DGKQ: variants seen among roughly 807,000 people sequenced by gnomAD.
DGKQ encodes the protein diacylglycerol kinase theta, also known as DAG kinase theta.
Under a neutral mutation model 104.2 loss-of-function variants are expected in DGKQ, and 97 were observed. The ratio of observed to expected loss-of-function variants is 0.93; its 90% CI spans 0.79 to 1.10. The LOEUF (loss-of-function observed/expected upper bound fraction) is 1.10, where lower values mean the gene tolerates loss of function less well. Ranked by LOEUF, DGKQ falls within the 50% of genes least tolerant of loss-of-function variation. The probability of loss-of-function intolerance (pLI) is 0.00; values close to 1 mark genes in which losing one functional copy is unlikely to be tolerated. For synonymous variants in DGKQ, 736 were observed against 595.2 expected (o/e 1.24, Z -3.44); for missense variants, 1,465 against 1,352.1 (o/e 1.08, Z -1.31).
In DGKQ at chr4:967,208, C is replaced by T. The variant is rs201658817; in HGVS notation, c.1141G>A (p.Glu381Lys). The T allele has an allele frequency of 2.2e-4, 343 of 1,587,560 alleles. No individual in the cohort carries two copies. The African/African-American group carries it at 3.9e-3, about 18-fold the overall frequency. The change falls in exon 9 of 23, where the codon GAG becomes AAG. Residue 381 changes from glutamate to lysine, a missense_variant. By Grantham distance (56) the Glu-to-Lys change is moderately conservative. Coordinates refer to ENST00000273814, the MANE Select transcript of DGKQ (RefSeq NM_001347.4). ...SEEGRSPGSG[E>K]ATPEAWVIRA... ...ATGACCCAGGCCTCTGGCGTGGCCT[C>T]GCCGGACCCGGGGCTTCTGCCCTCC...
rs1410370074 is a variant in DGKQ at position 960,633 on chromosome 4, C to A, written c.2816G>T (p.Ser939Ile). The change falls in exon 23 of 23, where the codon AGC (serine) becomes ATC (isoleucine). Residue 939 changes from serine to isoleucine, a missense_variant. By Grantham distance (142) the Ser-to-Ile change is moderately radical. Transcript: ENST00000273814. Reference protein sequence around the residue: ...ARADAAPAPESDPR With the variant: ...ARADAAPAPEIDPR ...CCCCAGCCACCCCTACCTAGGATCG[C>A]TCTCAGGGGCAGGCGCAGCATCCGC... The A allele has an allele frequency of 6.2e-7, 1 of 1,611,874 alleles. No individual in the cohort carries two copies. Among genetic ancestry groups the A allele is most frequent in the Non-Finnish European group, 8.5e-7 (1 of 1,179,726 alleles).
intron 18 of DGKQ, 86 bp from the exon 19 acceptor site, chr4:962,168 A>C: frequency 7.9e-7 from 1 of 1,262,896 alleles, no homozygotes; most frequent in Non-Finnish European, 1.1e-6. Context: ...GCAGGCAGAG[A>C]CAAGAGCAAG....
In DGKQ at chr4:960,336, A is replaced by G; in HGVS notation, c.*284T>C. 1 of 517,798 alleles carries G rather than the reference A, an allele frequency of 1.9e-6. No individual in the cohort carries two copies. The allele number at this position is 517,798 out of a possible 1,614,324, so 32.1% of individuals were successfully genotyped here. A position where few individuals can be genotyped will look rare whatever the true frequency, so the allele number is the denominator to read the frequency against. ...GGAGAGGACCAGGCCCCCACAGGGC[A>G]GAGGGCTCACCATCCAGAGCCCTGC... On this transcript the variant is annotated 3_prime_UTR_variant, in exon 23 of 23. Coordinates refer to ENST00000273814, the MANE Select transcript of DGKQ (RefSeq NM_001347.4).
chr4:961,652 CG>C (rs768202217), intron 20 of DGKQ, 35 bp downstream of exon 20: 3 of 1,611,326 alleles, frequency 1.9e-6, no homozygotes, highest in Non-Finnish European at 2.5e-6. Context: ...ATGGCCCCGC[CG>C]GGCAGAGCCT....
intron 17 of DGKQ, 26 bp downstream of exon 17, chr4:962,746 C>T: frequency 6.2e-7 from 1 of 1,600,030 alleles, no homozygotes; most frequent in Non-Finnish European, 8.5e-7. Flanking sequence ...CTGAGGCCCC[C>T]TCCTCGGCTG....
At chr4:969,721 TG>T (rs1458451962) in intron 2 of DGKQ, among the ~76,000 whole-genome samples, 2 of 151,518 alleles carry the variant, frequency 1.3e-5, no homozygotes, top group African/African-American at 4.8e-5. Context: ...ACCATTCTCC[TG>T]CCTCAGCCTC....
At chr4:962,674 G>A (rs1381075994) in intron 17 of DGKQ, 61 bp from the exon 18 acceptor site, 2 of 1,590,218 alleles carry the variant, frequency 1.3e-6, no homozygotes, top group Non-Finnish European at 8.6e-7. Context: ...GCTGGGTGCA[G>A]ACCCCACCAC....
Position 967,588 on chromosome 4 carries a change from G to C in DGKQ, c.948C>G (p.Leu316=), listed in dbSNP as rs772866936. 1.4e-5 allele frequency: 22 copies of C among 1,612,558 alleles called. No homozygotes were observed. The highest frequency in any genetic ancestry group is 1.6e-5 in the Non-Finnish European group (19 of 1,179,880). Residue 316 remains leucine (L), a synonymous_variant, in exon 8 of 23, where the codon CTC becomes CTG. Coordinates refer to ENST00000273814, the MANE Select transcript of DGKQ (RefSeq NM_001347.4). ...CACCGGCCAGGCGGGACACCGTGAC[G>C]AGGCGGAACTGGCTTCTTCTCACCG... ...DDAVRRSQFR[L]VTVSRLAGAE...
chr4:966,106 G>A (rs751671964), intron 12 of DGKQ, 28 bp from the exon 13 acceptor site: 176 of 1,574,846 alleles, frequency 1.1e-4, no homozygotes, highest in Non-Finnish European at 1.5e-4. Flanking sequence ...GGGATGCTGG[G>A]CCGGGGAGAA....
Position 962,826 on chromosome 4 carries a change from G to T in DGKQ, c.1981C>A (p.Arg661=). ...GGCTCCGGGCAGGCCAGTCGGTACC[G>T]TGTCTCCTCCAGGGCGCCAAGCACC... is the stretch of plus-strand genomic sequence containing the variant. ...GWVLGALEET[R]YRLACPEPSV... The change falls in exon 17 of 23, where the codon CGG becomes AGG. Residue 661 remains arginine (R), a synonymous_variant. Transcript: ENST00000273814. 1 of 1,606,348 alleles carries T rather than the reference G, an allele frequency of 6.2e-7. No individual in the cohort carries two copies. Among genetic ancestry groups the T allele is most frequent in the South Asian group, 1.1e-5 (1 of 89,764 alleles).
intron 22 of DGKQ, 62 bp from the exon 23 acceptor site, chr4:960,783 G>A (rs1317034247): frequency 7.0e-6 from 11 of 1,581,984 alleles, no homozygotes; most frequent in Admixed American, 5.1e-5. Flanking sequence ...CGGTACACGG[G>A]CAGCCCCCGG....
intron 13 of DGKQ, 94 bp downstream of exon 13, chr4:965,834 G>A: frequency 2.2e-6 from 3 of 1,377,922 alleles, no homozygotes; most frequent in Non-Finnish European, 2.9e-6. Context: ...GTGGCTCAAG[G>A]AGAGGCAGGA....
In DGKQ at chr4:960,415, A is replaced by G; in HGVS notation, c.*205T>C. 1.7e-6 allele frequency: 1 copy of G among 591,194 alleles called. No homozygotes were observed. The highest frequency in any genetic ancestry group is 3.0e-6 in the Non-Finnish European group (1 of 329,690). The allele number at this position is 591,194 out of a possible 1,614,324, so 36.6% of individuals were successfully genotyped here. A position where few individuals can be genotyped will look rare whatever the true frequency, so the allele number is the denominator to read the frequency against. On this transcript the variant is annotated 3_prime_UTR_variant, in exon 23 of 23. Transcript: ENST00000273814. ...CACCCGCACACCAGTCTCCAGTGGGATGAGGGCTGTGACACCAACATGTGT... is the reference window on the plus strand; with the variant it reads ...CACCCGCACACCAGTCTCCAGTGGGGTGAGGGCTGTGACACCAACATGTGT...
chr4:970,050 C>T (rs61276640), intron 2 of DGKQ, among the ~76,000 whole-genome samples: 9,066 of 152,366 alleles, frequency 0.06, 439 homozygotes, highest in African/African-American at 0.13. Flanking sequence ...GACGAGGGGC[C>T]GCCCAAGCCA....
Position 967,406 on chromosome 4 carries a change from C to T in DGKQ, c.988-45G>A, listed in dbSNP as rs753628179. On this transcript the variant is annotated intron_variant, in intron 8 of 22. Transcript: ENST00000273814. Reference sequence around the variant, plus strand: ...AGGGGCCAAGTTGTGGGGGGTCAGGCGGGGTTCAGTGGGGGGCAGGTCATG... The same window carrying T: ...AGGGGCCAAGTTGTGGGGGGTCAGGTGGGGTTCAGTGGGGGGCAGGTCATG... The T allele has an allele frequency of 3.7e-4, 197 of 531,926 alleles. 1 individual carries two copies. The highest frequency in any genetic ancestry group is 4.9e-4 in the Non-Finnish European group (178 of 363,924). 33.0% of individuals were successfully genotyped at this position (531,926 alleles called of 1,614,324 possible).
chr4:969,398 G>A (rs1712745717), intron 2 of DGKQ, among the ~76,000 whole-genome samples: 1 of 152,254 alleles, frequency 6.6e-6, no homozygotes, highest in Admixed American at 6.5e-5. Flanking sequence ...GCCATAACGA[G>A]TGTGGACCAA....
chr4:970,766 G>A (rs1027365411), intron 2 of DGKQ, among the ~76,000 whole-genome samples: 11 of 152,264 alleles, frequency 7.2e-5, no homozygotes, highest in African/African-American at 2.6e-4. Flanking sequence ...CACATTCTAT[G>A]GACAGGATCT....
chr4:962,133 C>T, intron 18 of DGKQ, 51 bp from the exon 19 acceptor site: 1 of 1,478,784 alleles, frequency 6.8e-7, no homozygotes, highest in Non-Finnish European at 9.4e-7. Context: ...CACCAGGCCC[C>T]CTGAGCTCCC....
Position 960,123 on chromosome 4 carries a change from G to A in DGKQ, c.*497C>T. On this transcript the variant is annotated 3_prime_UTR_variant, in exon 23 of 23. Transcript: ENST00000273814. Reference sequence around the variant, plus strand: ...CCTGCTGCCCAGGGCGGGGAGGTGAGGCTGGAGGGACTGGCAGCCTGTGTC... The same window carrying A: ...CCTGCTGCCCAGGGCGGGGAGGTGAAGCTGGAGGGACTGGCAGCCTGTGTC... 1 of 159,438 alleles carries A rather than the reference G, an allele frequency of 6.3e-6. No individual in the cohort carries two copies. Among genetic ancestry groups the A allele is most frequent in the Non-Finnish European group, 1.4e-5 (1 of 72,342 alleles). The allele number at this position is 159,438 out of a possible 1,614,324, so 9.9% of individuals were successfully genotyped here. A position where few individuals can be genotyped will look rare whatever the true frequency, so the allele number is the denominator to read the frequency against.
Sources: allele counts gnomAD v4.1 joint callset (sites outside exome capture counted in the v4.1 genomes callset), GRCh38; gene constraint gnomAD v4.1.1; transcripts MANE v1.5; gene names NCBI Gene and HGNC (gene_info 2026-07-23, HGNC 2026-07-21).